The following PLA2G4C variants were observed in gnomAD, a reference collection of about 807,000 sequenced individuals.
The protein encoded by PLA2G4C is phospholipase A2 group IVC.
Under a neutral mutation model 73.8 loss-of-function variants are expected in PLA2G4C, and 64 were observed. The observed-to-expected ratio is 0.87, with a 90% CI of 0.71 to 1.07. PLA2G4C has a LOEUF of 1.07. PLA2G4C is among the 50% of genes least tolerant of loss of function. PLA2G4C has a pLI of 0.00. For synonymous variants in PLA2G4C, 254 were observed against 252.1 expected (o/e 1.01, Z -0.07); for missense variants, 622 against 665.4 (o/e 0.93, Z 0.72).
At chr19:48,073,324 A>C (rs1044669976) in intron 12 of PLA2G4C, among the ~76,000 whole-genome samples, 5 of 152,066 alleles carry the variant, frequency 3.3e-5, no homozygotes, top group Admixed American at 6.6e-5. Flanking sequence ...TGCTGGGATT[A>C]CAGGTGTGAG....
intron 11 of PLA2G4C, among the ~76,000 whole-genome samples, chr19:48,076,775 A>G (rs2030190324): frequency 1.3e-5 from 2 of 151,658 alleles, no homozygotes; most frequent in South Asian, 2.1e-4. Flanking sequence ...AAAGGAAAGG[A>G]AAAAAAAGAC....
intron 14 of PLA2G4C, among the ~76,000 whole-genome samples, chr19:48,057,653 C>T (rs1429392215): frequency 1.3e-5 from 2 of 150,384 alleles, no homozygotes; most frequent in African/African-American, 4.9e-5. Flanking sequence ...CCATGCCTGG[C>T]TAATTTTTGT....
At chr19:48,098,452 AG>A (rs1187408283) in intron 5 of PLA2G4C, among the ~76,000 whole-genome samples, 193 bp from the exon 6 acceptor site, 3 of 151,732 alleles carry the variant, frequency 2.0e-5, no homozygotes, top group Admixed American at 6.6e-5. Context: ...CAACCTCCCA[AG>A]TAGCTGGGAC....
intron 15 of PLA2G4C, among the ~76,000 whole-genome samples, chr19:48,053,588 C>A (rs372462272): frequency 1.3e-5 from 2 of 152,110 alleles, no homozygotes; most frequent in African/African-American, 4.8e-5. Flanking sequence ...GCCAAGCTGG[C>A]CTTAAACTCC....
At chr19:48,050,397 A>G (rs1967680154) in intron 16 of PLA2G4C, among the ~76,000 whole-genome samples, 1 of 152,020 alleles carries the variant, frequency 6.6e-6, no homozygotes. Flanking sequence ...CTACCTTGCG[A>G]CCCTGAGGTC....
chr19:48,066,447 G>A (rs1968424798), intron 13 of PLA2G4C, among the ~76,000 whole-genome samples: 1 of 152,138 alleles, frequency 6.6e-6, no homozygotes, highest in Admixed American at 6.5e-5. Flanking sequence ...TGCATGGCAT[G>A]GTGCGCAGAC....
At chr19:48,088,326 G>T (rs1210211830) in intron 9 of PLA2G4C, among the ~76,000 whole-genome samples, 1 of 151,448 alleles carries the variant, frequency 6.6e-6, no homozygotes, top group Non-Finnish European at 1.5e-5. Flanking sequence ...ACCAAATTAG[G>T]CTATAATTAG....
intron 13 of PLA2G4C, among the ~76,000 whole-genome samples, chr19:48,065,189 A>G (rs1236107319): frequency 1.3e-5 from 2 of 149,972 alleles, no homozygotes; most frequent in African/African-American, 4.9e-5. Flanking sequence ...ACATCAATCA[A>G]ATATATCTAA....
chr19:48,100,124 A>C (rs2031820655), intron 4 of PLA2G4C: 1 of 374,626 alleles, frequency 2.7e-6, no homozygotes, highest in African/African-American at 2.1e-5. Context: ...CATCAGAGTC[A>C]AATGTTTTTT....
At chr19:48,068,405 A>G (rs922723704) in intron 12 of PLA2G4C, among the ~76,000 whole-genome samples, 1 of 151,910 alleles carries the variant, frequency 6.6e-6, no homozygotes, top group Non-Finnish European at 1.5e-5. Flanking sequence ...ATGAGAAGAG[A>G]AAGAGTGCCA....
Position 48,110,475 on chromosome 19 carries a change from C to T in PLA2G4C, c.-33+12G>A, listed in dbSNP as rs570291371. 4.2e-5 allele frequency: 59 copies of T among 1,400,662 alleles called. 1 individual carries two copies. The East Asian group carries it at 1.8e-3, about 44-fold the overall frequency. The allele number at this position is 1,400,662 out of a possible 1,614,324, so 86.8% of individuals were successfully genotyped here. On this transcript the variant is annotated intron_variant, in intron 1 of 16. Transcript: ENST00000599921. ...GCGGGATGAAACAGCCCTCCCTGCCCCCACGGCTTGCCTGAGCCTGGGTCT... is the reference window on the plus strand; with the variant it reads ...GCGGGATGAAACAGCCCTCCCTGCCTCCACGGCTTGCCTGAGCCTGGGTCT...
chr19:48,088,883 T>C (rs532522979), intron 8 of PLA2G4C, among the ~76,000 whole-genome samples, 171 bp from the exon 9 acceptor site: 1 of 152,324 alleles, frequency 6.6e-6, no homozygotes, highest in African/African-American at 2.4e-5. Context: ...CTCTTCCAAC[T>C]CTGTGCTCAG....
intron 10 of PLA2G4C, among the ~76,000 whole-genome samples, chr19:48,081,124 C>T (rs1462539516): frequency 6.7e-6 from 1 of 150,182 alleles, no homozygotes; most frequent in East Asian, 1.9e-4. Flanking sequence ...GAGATCGCGC[C>T]ACTGCACTCC....
chr19:48,049,648 G>A (rs546050195), intron 16 of PLA2G4C, among the ~76,000 whole-genome samples: 6 of 152,324 alleles, frequency 3.9e-5, no homozygotes, highest in African/African-American at 1.4e-4. Flanking sequence ...ACCATGGTGA[G>A]CAAAGTGATG....
At chr19:48,065,064 T>C (rs1968356206) in intron 13 of PLA2G4C, 1 of 152,208 alleles carries the variant, frequency 6.6e-6, no homozygotes, top group African/African-American at 2.4e-5. Context: ...AGGTTTATTC[T>C]GAGCCAAATG....
chr19:48,083,097 G>A (rs2030711887), intron 10 of PLA2G4C, among the ~76,000 whole-genome samples: 1 of 152,152 alleles, frequency 6.6e-6, no homozygotes. Flanking sequence ...TTACAGGCGT[G>A]AGCCACCGCG....
chr19:48,098,749 A>T (rs1370324886), intron 5 of PLA2G4C, among the ~76,000 whole-genome samples: 2 of 135,568 alleles, frequency 1.5e-5, no homozygotes, highest in African/African-American at 2.9e-5. Context: ...AAAAAAAAAA[A>T]AAATTTGTCA....
At chr19:48,079,592 A>G (rs760750758) in intron 10 of PLA2G4C, among the ~76,000 whole-genome samples, 17 of 152,230 alleles carry the variant, frequency 1.1e-4, no homozygotes, top group Non-Finnish European at 2.4e-4. Context: ...TCTAGAAGAT[A>G]ACATCAAAAA....
chr19:48,083,451 C>CT (rs56744614), intron 10 of PLA2G4C, among the ~76,000 whole-genome samples: 1,776 of 58,256 alleles, frequency 0.03, 52 homozygotes, highest in African/African-American at 0.083. Context: ...TTTCTTTTTT[C>CT]TTTTTTTTTT....
Sources: allele counts gnomAD v4.1 joint callset (sites outside exome capture counted in the v4.1 genomes callset), GRCh38; gene constraint gnomAD v4.1.1; transcripts MANE v1.5; gene names NCBI Gene and HGNC (gene_info 2026-07-23, HGNC 2026-07-21).